Variants in LRRTM4 observed in about 807,000 individuals in gnomAD.
LRRTM4 encodes the protein leucine rich repeat transmembrane neuronal 4.
A neutral mutation model predicts 47.6 loss-of-function variants in LRRTM4; 25 were observed. The ratio of observed to expected loss-of-function variants is 0.53; its 90% confidence interval spans 0.38 to 0.73. The LOEUF (loss-of-function observed/expected upper bound fraction) is 0.73, where lower values mean the gene tolerates loss of function less well. LRRTM4 is among the 30% of genes least tolerant of loss of function. The pLI is 0.00. For missense variants in LRRTM4, 638 were observed against 713.4 expected (o/e 0.89, Z 1.20); for synonymous variants, 311 against 269.5 (o/e 1.15, Z -1.51).
chr2:77,252,812 A>G (rs570840615), intron 3 of LRRTM4, among the ~76,000 whole-genome samples: 1 of 152,236 alleles, frequency 6.6e-6, no homozygotes, highest in Non-Finnish European at 1.5e-5. Flanking sequence ...TTTAAACAAG[A>G]GAAATTTATT....
At chr2:77,397,836 A>G (rs1343855996) in intron 3 of LRRTM4, among the ~76,000 whole-genome samples, 1 of 151,872 alleles carries the variant, frequency 6.6e-6, no homozygotes, top group Non-Finnish European at 1.5e-5. Context: ...CTCTGCACCA[A>G]GTGTATACGA....
chr2:77,390,212 G>GA (rs955380297), intron 3 of LRRTM4, among the ~76,000 whole-genome samples: 7 of 152,000 alleles, frequency 4.6e-5, no homozygotes, highest in African/African-American at 1.4e-4. Flanking sequence ...ACTGAGTGCT[G>GA]AAAAAATGTG....
At chr2:77,050,614 A>G (rs1303057136) in intron 3 of LRRTM4, among the ~76,000 whole-genome samples, 3 of 152,168 alleles carry the variant, frequency 2.0e-5, no homozygotes, top group African/African-American at 7.2e-5. Context: ...AGTTATTGCC[A>G]GTAACTCCTT....
At chr2:77,160,265 A>C (rs2103806529) in intron 3 of LRRTM4, among the ~76,000 whole-genome samples, 1 of 152,268 alleles carries the variant, frequency 6.6e-6, no homozygotes, top group South Asian at 2.1e-4. Flanking sequence ...CAATCATGGC[A>C]TTTCCAATGT....
intron 3 of LRRTM4, among the ~76,000 whole-genome samples, chr2:77,218,908 A>G (rs1674538203): frequency 6.6e-6 from 1 of 152,210 alleles, no homozygotes. Context: ...TCAGCCCTCA[A>G]GGGGCTCAAA....
rs1313268147 is a variant in LRRTM4, at chr2:77,258,684, T to TATGA, written c.1551+259633_1551+259634insTCAT. 3.3e-5 allele frequency among the ~76,000 whole-genome samples: 5 copies of TATGA among 151,978 alleles called. No individual in the cohort carries two copies. The East Asian group carries it at 9.7e-4, about 29-fold the overall frequency. On this transcript the variant is annotated intron_variant, in intron 3 of 3. Coordinates refer to ENST00000409884, the MANE Select transcript of LRRTM4 (RefSeq NM_001134745.3). Reference sequence around the variant, plus strand: ...TTTTTGTTATGGTTAAATTATTGGTTATATTCAGGAAAATTGTTAAAAACT... The same window carrying TATGA: ...TTTTTGTTATGGTTAAATTATTGGTTATGAATATTCAGGAAAATTGTTAAAAACT...
At chr2:76,924,172 T>G (rs1674517101) in intron 3 of LRRTM4, among the ~76,000 whole-genome samples, 2 of 152,124 alleles carry the variant, frequency 1.3e-5, no homozygotes, top group African/African-American at 4.8e-5. Flanking sequence ...AAAACTCATC[T>G]CCTTTCAGAA....
chr2:76,944,277 A>G (rs1558754109), intron 3 of LRRTM4, among the ~76,000 whole-genome samples: 1 of 152,016 alleles, frequency 6.6e-6, no homozygotes, highest in Non-Finnish European at 1.5e-5. Context: ...TTCCTATGTC[A>G]TCTCCTTCAG....
intron 3 of LRRTM4, among the ~76,000 whole-genome samples, chr2:77,063,062 C>T (rs866136251): frequency 6.6e-6 from 1 of 151,094 alleles, no homozygotes; most frequent in Middle Eastern, 3.4e-3. Flanking sequence ...TCAAGCCATG[C>T]TTCTGCCTCA....
chr2:77,258,042 G>A (rs1265749860), intron 3 of LRRTM4, among the ~76,000 whole-genome samples: 2 of 151,526 alleles, frequency 1.3e-5, no homozygotes, highest in Non-Finnish European at 2.9e-5. Flanking sequence ...GTTGTGGTGA[G>A]CCGAGTTAGT....
At chr2:77,401,011 CT>C (rs1666046818) in intron 3 of LRRTM4, among the ~76,000 whole-genome samples, 1 of 151,956 alleles carries the variant, frequency 6.6e-6, no homozygotes, top group African/African-American at 2.4e-5. Context: ...TTCCGTGCTA[CT>C]TTTGCACTAC....
chr2:77,409,773 T>C (rs944266394), intron 3 of LRRTM4, among the ~76,000 whole-genome samples: 1 of 152,160 alleles, frequency 6.6e-6, no homozygotes, highest in African/African-American at 2.4e-5. Flanking sequence ...GAAACTGGGG[T>C]TGACTGAAGA....
intron 3 of LRRTM4, among the ~76,000 whole-genome samples, chr2:77,049,927 T>G (rs557208702): frequency 6.6e-6 from 1 of 152,194 alleles, no homozygotes; most frequent in Admixed American, 6.6e-5. Context: ...AAATTCTGCT[T>G]CTTTTAGAGA....
At chr2:77,369,605 C>T (rs1429163876) in intron 3 of LRRTM4, among the ~76,000 whole-genome samples, 2 of 151,608 alleles carry the variant, frequency 1.3e-5, no homozygotes, top group Admixed American at 6.6e-5. Flanking sequence ...ACTATAGAAG[C>T]CATTTTACTA....
At chr2:77,406,072 T>G (rs531736823) in intron 3 of LRRTM4, among the ~76,000 whole-genome samples, 1 of 152,224 alleles carries the variant, frequency 6.6e-6, no homozygotes, top group South Asian at 2.1e-4. Context: ...GTCAAACCAA[T>G]ATCCTCAGTC....
Position 77,481,885 on chromosome 2 carries a change from T to C in LRRTM4, c.1551+36433A>G, listed in dbSNP as rs563141588. Among the ~76,000 whole-genome samples, 7 of 152,120 alleles carry C rather than the reference T, an allele frequency of 4.6e-5. No homozygotes were observed. The East Asian group carries it at 5.8e-4, about 13-fold the overall frequency. On this transcript the variant is annotated intron_variant, in intron 3 of 3. Transcript: ENST00000409884. ...AGTGAAGGGTTTTTTTTTTTCTTTTTTTTTTTTTAAAACTTCTAGTTATTT... is the reference window on the plus strand; with the variant it reads ...AGTGAAGGGTTTTTTTTTTTCTTTTCTTTTTTTTAAAACTTCTAGTTATTT...
intron 3 of LRRTM4, among the ~76,000 whole-genome samples, chr2:76,763,486 C>T (rs1032685841): frequency 5.9e-5 from 9 of 152,202 alleles, no homozygotes; most frequent in African/African-American, 2.2e-4. Context: ...GAAGAGTTCT[C>T]AGAGTGAAAC....
chr2:77,368,437 G>A (rs1672537322), intron 3 of LRRTM4, among the ~76,000 whole-genome samples: 1 of 151,540 alleles, frequency 6.6e-6, no homozygotes, highest in South Asian at 2.1e-4. Flanking sequence ...TCAAACATAA[G>A]CCGCCTTTTT....
intron 3 of LRRTM4, among the ~76,000 whole-genome samples, chr2:76,952,629 G>C (rs565603188): frequency 6.6e-6 from 1 of 152,024 alleles, no homozygotes; most frequent in South Asian, 2.1e-4. Flanking sequence ...AAACAATTTG[G>C]AGATTTCTCA....
Sources: allele counts gnomAD v4.1 joint callset (sites outside exome capture counted in the v4.1 genomes callset), GRCh38; gene constraint gnomAD v4.1.1; transcripts MANE v1.5; gene names NCBI Gene and HGNC (gene_info 2026-07-23, HGNC 2026-07-21).